The following MSH3 variants were observed in gnomAD, a reference collection of about 807,000 sequenced individuals.
MSH3 encodes mutS homolog 3, also known as DNA mismatch repair protein Msh3.
Under a neutral mutation model 123.3 loss-of-function variants are expected in MSH3, and 106 were observed. That is an observed-to-expected ratio of 0.86 (90% CI 0.73 to 1.01). The LOEUF is 1.01. Ranked by LOEUF, MSH3 falls within the 50% of genes least tolerant of loss-of-function variation. The probability of loss-of-function intolerance (pLI) is 0.00; values close to 1 mark genes in which losing one functional copy is unlikely to be tolerated. For synonymous variants in MSH3, 515 were observed against 481.4 expected (o/e 1.07, Z -0.91); for missense variants, 1,459 against 1,347.6 (o/e 1.08, Z -1.29).
At chr5:80,810,172 C>CATATATATATATATATAT (rs113702568) in intron 19 of MSH3, among the ~76,000 whole-genome samples, 2,537 of 121,112 alleles carry the variant, frequency 0.021, 50 homozygotes, top group South Asian at 0.029. Context: ...GTTTGACATA[C>CATATATATATATATATAT]ATATATATAT....
rs1561444685 is a variant in MSH3, at chr5:80,692,222, TTAGATAGATAAACATGTATATGTTTAGA to T, written c.1340+13154_1340+13181del. Among the ~76,000 whole-genome samples, 33 of 50,060 alleles carry T rather than the reference TTAGATAGATAAACATGTATATGTTTAGA, an allele frequency of 6.6e-4. 3 individuals are homozygous for T. The highest frequency in any genetic ancestry group is 1.7e-3 in the Admixed American group (7 of 4,140). The allele number at this position is 50,060 out of a possible 152,430, so 32.8% of individuals were successfully genotyped here. On this transcript the variant is annotated intron_variant, in intron 8 of 23. Coordinates refer to ENST00000265081, the MANE Select transcript of MSH3 (RefSeq NM_002439.5). ...TTTAGATAGATAAACATGTATATGT[TTAGATAGATAAACATGTATATGTTTAGA>T]TAGATAGATAAACATGTATATGTTA...
At chr5:80,854,080 C>T (rs761746143) in intron 20 of MSH3, 50 bp from the exon 21 acceptor site, 5 of 1,445,440 alleles carry the variant, frequency 3.5e-6, no homozygotes, top group Non-Finnish European at 3.9e-6. Context: ...GTTCGGCTTC[C>T]TAATAAGAAA....
At chr5:80,675,208 T>C in intron 7 of MSH3, 80 bp downstream of exon 7, 1 of 1,427,826 alleles carries the variant, frequency 7.0e-7, no homozygotes, top group Non-Finnish European at 9.9e-7. Context: ...TGGTTTATAA[T>C]AAGGATATCT....
chr5:80,701,115 A>G (rs926963788), intron 8 of MSH3, among the ~76,000 whole-genome samples: 3 of 152,214 alleles, frequency 2.0e-5, no homozygotes, highest in African/African-American at 7.2e-5. Flanking sequence ...ATGATTTATT[A>G]TTAGCATCTT....
intron 13 of MSH3, among the ~76,000 whole-genome samples, chr5:80,762,823 A>AT (rs1399530602): frequency 6.8e-6 from 1 of 147,830 alleles, no homozygotes; most frequent in Non-Finnish European, 1.5e-5. Context: ...ATGTTATGTT[A>AT]TGTTATGTTA....
intron 13 of MSH3, among the ~76,000 whole-genome samples, chr5:80,764,382 C>CTT (rs200129912): frequency 3.4e-5 from 5 of 147,642 alleles, no homozygotes; most frequent in Admixed American, 6.7e-5. Flanking sequence ...TCTTCTTCTT[C>CTT]TTTTTTTTTT....
chr5:80,735,124 CT>C (rs1363258906), intron 10 of MSH3, among the ~76,000 whole-genome samples: 1 of 152,140 alleles, frequency 6.6e-6, no homozygotes, highest in Non-Finnish European at 1.5e-5. Flanking sequence ...TGGCTTATGC[CT>C]GTAATCTCAG....
In MSH3 at chr5:80,735,044, AAGAAG is replaced by A. The variant is rs553471569; in HGVS notation, c.1568+6087_1568+6091del. Among the ~76,000 whole-genome samples, 5 of 152,316 alleles carry A rather than the reference AAGAAG, an allele frequency of 3.3e-5. No individual in the cohort carries two copies. The South Asian group carries it at 8.3e-4, about 25-fold the overall frequency. On this transcript the variant is annotated intron_variant, in intron 10 of 23. Transcript: ENST00000265081. ...GTGGCACAATTGAACACTGCACAGAAAGAAGAGAAGAGGGAGGCTGGAGAAAAACA... is the reference window on the plus strand; with the variant it reads ...GTGGCACAATTGAACACTGCACAGAAAGAAGAGGGAGGCTGGAGAAAAACA...
intron 19 of MSH3, among the ~76,000 whole-genome samples, chr5:80,808,943 C>T (rs1744955968): frequency 7.1e-6 from 1 of 141,494 alleles, no homozygotes; most frequent in Admixed American, 7.4e-5. Flanking sequence ...ACACATTTTA[C>T]TCATCAAGGC....
chr5:80,722,380 CA>C (rs1278905794), intron 8 of MSH3, among the ~76,000 whole-genome samples: 2 of 152,172 alleles, frequency 1.3e-5, no homozygotes, highest in Non-Finnish European at 2.9e-5. Context: ...CTTTACTTTA[CA>C]GATAACTTTT....
At chr5:80,871,178 C>T (rs955120348) in intron 22 of MSH3, among the ~76,000 whole-genome samples, 2 of 152,142 alleles carry the variant, frequency 1.3e-5, no homozygotes, top group African/African-American at 4.8e-5. Flanking sequence ...AAGGCTTCAG[C>T]CAGCCCTGCA....
At chr5:80,849,372 T>A (rs1234626802) in intron 20 of MSH3, among the ~76,000 whole-genome samples, 1 of 152,186 alleles carries the variant, frequency 6.6e-6, no homozygotes, top group Non-Finnish European at 1.5e-5. Flanking sequence ...CACTAGATGG[T>A]GCCCCAGTAG....
chr5:80,780,100 G>T lies in MSH3; in HGVS notation c.2435+1264G>T, dbSNP rs190738656. ...GTCTCAAAGAATGCCTTATATTCTG[G>T]ATTTATTGATAGTCATGTGTTCATA... On this transcript the variant is annotated intron_variant, in intron 17 of 23. Coordinates refer to ENST00000265081, the MANE Select transcript of MSH3 (RefSeq NM_002439.5). Among the ~76,000 whole-genome samples, 3 of 152,236 alleles carry T rather than the reference G, an allele frequency of 2.0e-5. No individual in the cohort carries two copies. The South Asian group carries it at 6.2e-4, about 32-fold the overall frequency.
intron 8 of MSH3, among the ~76,000 whole-genome samples, chr5:80,689,274 G>A (rs1437334433): frequency 1.3e-5 from 2 of 152,130 alleles, no homozygotes; most frequent in African/African-American, 4.8e-5. Context: ...GCACTAGTGG[G>A]AGGAGCTTAT....
intron 8 of MSH3, among the ~76,000 whole-genome samples, chr5:80,708,231 C>T (rs1215070894): frequency 1.3e-5 from 2 of 152,040 alleles, no homozygotes; most frequent in African/African-American, 4.8e-5. Flanking sequence ...ACATCATGAA[C>T]ATTTTCTCAT....
Position 80,654,888 on chromosome 5 carries a change from CTGCAGCGGCCGCAGCGG to C in MSH3, c.162_178del (p.Ala55ArgfsTer24), listed in dbSNP as rs1419616790. 1.3e-5 allele frequency: 11 copies of C among 859,340 alleles called. No homozygotes were observed. The highest frequency in any genetic ancestry group is 4.8e-4 in the Middle Eastern group (1 of 2,068). 53.2% of individuals were successfully genotyped at this position (859,340 alleles called of 1,614,324 possible). On this transcript the variant is annotated frameshift_variant, in exon 1 of 24. Coordinates refer to ENST00000265081, the MANE Select transcript of MSH3 (RefSeq NM_002439.5). LOFTEE classifies it high-confidence loss of function. ...CAGGTGGACCCTGGCGCTGCAGCGG[CTGCAGCGGCCGCAGCGG>C]CCGCAGCGCCCCCAGCGCCCCCAGC...
intron 8 of MSH3, among the ~76,000 whole-genome samples, chr5:80,716,966 T>C (rs558846047): frequency 8.5e-5 from 13 of 152,342 alleles, no homozygotes; most frequent in African/African-American, 3.1e-4. Flanking sequence ...GATATTCGTC[T>C]TTTGGTACCT....
intron 20 of MSH3, among the ~76,000 whole-genome samples, chr5:80,831,309 A>T (rs377299508): frequency 6.6e-6 from 1 of 152,342 alleles, no homozygotes; most frequent in East Asian, 1.9e-4. Flanking sequence ...CATGTTCATT[A>T]TGCAAAATTT....
chr5:80,688,724 A>G (rs1195938965), intron 8 of MSH3, among the ~76,000 whole-genome samples: 1 of 150,986 alleles, frequency 6.6e-6, no homozygotes, highest in Non-Finnish European at 1.5e-5. Flanking sequence ...TTTGAATTAA[A>G]CATTAGTATA....
Sources: allele counts gnomAD v4.1 joint callset (sites outside exome capture counted in the v4.1 genomes callset), GRCh38; gene constraint gnomAD v4.1.1; transcripts MANE v1.5; gene names NCBI Gene and HGNC (gene_info 2026-07-23, HGNC 2026-07-21).